Variants in CACNB4 observed in about 807,000 individuals in gnomAD.
CACNB4 encodes voltage-dependent L-type calcium channel subunit beta-4.
Under a neutral mutation model 71.2 loss-of-function variants are expected in CACNB4, and 32 were observed. That is an observed-to-expected ratio of 0.45 (90% CI 0.34 to 0.60). CACNB4 has a LOEUF of 0.60. Ranked by LOEUF, CACNB4 falls within the 20% of genes least tolerant of loss-of-function variation. The probability of loss-of-function intolerance (pLI) is 0.01; values close to 1 mark genes in which losing one functional copy is unlikely to be tolerated. For missense variants in CACNB4, 464 were observed against 647.9 expected (o/e 0.72, Z 3.08); for synonymous variants, 231 against 236.9 (o/e 0.97, Z 0.23).
At chr2:151,998,924 A>T (rs1391663405) in intron 2 of CACNB4, among the ~76,000 whole-genome samples, 1 of 152,162 alleles carries the variant, frequency 6.6e-6, no homozygotes, top group Non-Finnish European at 1.5e-5. Context: ...TTTCCCCTGG[A>T]GCTTGGTGAG....
At chr2:151,952,922 C>T (rs1419947442) in intron 2 of CACNB4, among the ~76,000 whole-genome samples, 3 of 152,206 alleles carry the variant, frequency 2.0e-5, no homozygotes, top group Non-Finnish European at 4.4e-5. Context: ...CATTGCTTTG[C>T]TAGCACGGTC....
intron 2 of CACNB4, among the ~76,000 whole-genome samples, chr2:152,086,552 T>C (rs1472763263): frequency 2.0e-5 from 3 of 152,204 alleles, no homozygotes; most frequent in Non-Finnish European, 4.4e-5. Context: ...CACTCCGCTT[T>C]CTCCTTAATT....
chr2:152,053,337 G>C (rs892596201), intron 2 of CACNB4, among the ~76,000 whole-genome samples: 1 of 152,128 alleles, frequency 6.6e-6, no homozygotes, highest in Non-Finnish European at 1.5e-5. Context: ...AAAAACCAAA[G>C]GGCAGGGTTT....
chr2:151,899,019 T>C (rs2151498509), intron 2 of CACNB4, among the ~76,000 whole-genome samples: 1 of 152,338 alleles, frequency 6.6e-6, no homozygotes, highest in South Asian at 2.1e-4. Context: ...CCCACCAATA[T>C]TGATCAAACT....
intron 2 of CACNB4, among the ~76,000 whole-genome samples, chr2:152,050,627 G>A (rs1685374836): frequency 6.6e-6 from 1 of 152,118 alleles, no homozygotes; most frequent in South Asian, 2.1e-4. Flanking sequence ...GAGGTAGGAG[G>A]ATCACTTAAC....
In CACNB4 at chr2:151,895,099, CACACA is replaced by C. The variant is rs1559950822; in HGVS notation, c.148-11734_148-11730del. On this transcript the variant is annotated intron_variant, in intron 2 of 13. Coordinates refer to ENST00000539935, the MANE Select transcript of CACNB4 (RefSeq NM_000726.5). ...TGGAACCAGAACTCAAATAGCCCCA[CACACA>C]CACACACACACACACACACACACAC... 4.7e-3 allele frequency among the ~76,000 whole-genome samples: 91 copies of C among 19,166 alleles called. 2 individuals are homozygous for C. Among genetic ancestry groups the C allele is most frequent in the Middle Eastern group, 0.019 (1 of 52 alleles). 12.6% of individuals were successfully genotyped at this position (19,166 alleles called of 152,430 possible).
intron 2 of CACNB4, among the ~76,000 whole-genome samples, chr2:151,904,376 G>T (rs951656531): frequency 1.3e-5 from 2 of 152,136 alleles, no homozygotes; most frequent in African/African-American, 4.8e-5. Context: ...CTACAAGTAT[G>T]CTAACTCCAG....
chr2:152,006,506 G>A (rs751363113), intron 2 of CACNB4, among the ~76,000 whole-genome samples: 1 of 150,878 alleles, frequency 6.6e-6, no homozygotes, highest in Non-Finnish European at 1.5e-5. Context: ...GGGTTCAAGC[G>A]ATTCATGCCT....
intron 5 of CACNB4, among the ~76,000 whole-genome samples, chr2:151,874,622 G>C (rs548598039): frequency 6.6e-6 from 1 of 152,276 alleles, no homozygotes; most frequent in Admixed American, 6.5e-5. Flanking sequence ...AGTTGGTGCG[G>C]TTCTTATTAT....
intron 2 of CACNB4, among the ~76,000 whole-genome samples, chr2:152,091,656 G>C (rs1037135901): frequency 2.4e-4 from 37 of 151,780 alleles, no homozygotes; most frequent in South Asian, 2.1e-4. Flanking sequence ...AAACATAAAC[G>C]TAACTGGTTG....
chr2:152,026,283 C>T (rs1323574309), intron 2 of CACNB4, among the ~76,000 whole-genome samples: 1 of 152,204 alleles, frequency 6.6e-6, no homozygotes, highest in Non-Finnish European at 1.5e-5. Context: ...GAATCTTCAG[C>T]GTCTTCCTTT....
chr2:151,973,870 C>T, intron 2 of CACNB4: 4 of 1,465,442 alleles, frequency 2.7e-6, no homozygotes, highest in South Asian at 1.4e-5. Flanking sequence ...TCATTCACAT[C>T]CCACAGGGTG....
intron 2 of CACNB4, among the ~76,000 whole-genome samples, chr2:152,021,411 G>A (rs950146434): frequency 5.3e-5 from 8 of 151,992 alleles, no homozygotes; most frequent in Admixed American, 3.9e-4. Flanking sequence ...CTTCAAATAA[G>A]GAGTAATGTT....
intron 2 of CACNB4, among the ~76,000 whole-genome samples, chr2:152,056,580 G>C (rs984674242): frequency 1.3e-5 from 2 of 152,088 alleles, no homozygotes; most frequent in Non-Finnish European, 2.9e-5. Flanking sequence ...CCACCCCCTA[G>C]TGACGTCTTC....
At chr2:151,945,495 T>A (rs2099865322) in intron 2 of CACNB4, among the ~76,000 whole-genome samples, 1 of 151,718 alleles carries the variant, frequency 6.6e-6, no homozygotes, top group Admixed American at 6.6e-5. Flanking sequence ...CTACAAAAAT[T>A]ATAAAGATTA....
chr2:152,022,553 A>G (rs1449909059), intron 2 of CACNB4, among the ~76,000 whole-genome samples: 2 of 152,210 alleles, frequency 1.3e-5, no homozygotes, highest in Non-Finnish European at 2.9e-5. Context: ...TTTCAAAGAG[A>G]TACCAGCATG....
intron 2 of CACNB4, among the ~76,000 whole-genome samples, chr2:151,953,425 C>G (rs1414818966): frequency 6.6e-6 from 1 of 152,230 alleles, no homozygotes; most frequent in Non-Finnish European, 1.5e-5. Context: ...TTTAGGAAGA[C>G]AGTCTAGAGT....
At chr2:151,949,240 C>G (rs1339448620) in intron 2 of CACNB4, among the ~76,000 whole-genome samples, 2 of 151,350 alleles carry the variant, frequency 1.3e-5, no homozygotes, top group African/African-American at 4.9e-5. Context: ...AGGACTGACA[C>G]TCAGTTCAGT....
In CACNB4 at chr2:151,998,315, C is replaced by CAAAAAAAAA. The variant is rs70974815; in HGVS notation, c.147+100006_147+100014dup. On this transcript the variant is annotated intron_variant, in intron 2 of 13. Coordinates refer to ENST00000539935, the MANE Select transcript of CACNB4 (RefSeq NM_000726.5). ...AATCCAGCCTGGGCAACTCCATCTC[C>CAAAAAAAAA]AAAAAAAAAAAAAAAAAAAAAAAAA... Among the ~76,000 whole-genome samples the CAAAAAAAAA allele has an allele frequency of 9.4e-4, 104 of 110,684 alleles. 2 individuals are homozygous for CAAAAAAAAA. Among genetic ancestry groups the CAAAAAAAAA allele is most frequent in the African/African-American group, 3.9e-3 (97 of 24,956 alleles). 72.6% of individuals were successfully genotyped at this position (110,684 alleles called of 152,430 possible). A position where few individuals can be genotyped will look rare whatever the true frequency, so the allele number is the denominator to read the frequency against.
Sources: gnomAD v4.1 joint callset for allele counts (sites outside exome capture counted in the v4.1 genomes callset) on GRCh38, gnomAD v4.1.1 for gene constraint, MANE v1.5 for transcripts, NCBI Gene and HGNC (gene_info 2026-07-23, HGNC 2026-07-21) for gene names.